The following NOL4 variants were observed in gnomAD, a reference collection of about 807,000 sequenced individuals.
NOL4 encodes the protein cancer/testis antigen 125.
In NOL4, 17 loss-of-function variants were observed where a neutral mutation model predicts 75.9. That is an observed-to-expected ratio of 0.22 (90% CI 0.15 to 0.34). The LOEUF is 0.34. Ranked by LOEUF, NOL4 falls within the 10% of genes least tolerant of loss-of-function variation. The probability of loss-of-function intolerance (pLI) is 1.00; values close to 1 mark genes in which losing one functional copy is unlikely to be tolerated. For missense variants in NOL4, 614 were observed against 793.5 expected, an observed-to-expected ratio of 0.77 and a Z score of 2.72; for synonymous variants, 292 against 289.9, an observed-to-expected ratio of 1.01 and a Z score of -0.07.
chr18:34,036,408 C>T (rs899759339), intron 5 of NOL4, among the ~76,000 whole-genome samples: 9 of 152,124 alleles, frequency 5.9e-5, no homozygotes, highest in Non-Finnish European at 1.3e-4. Flanking sequence ...TAAAACTCAA[C>T]ATCACTTCAT....
chr18:34,125,746 A>G (rs1203449111), intron 2 of NOL4, among the ~76,000 whole-genome samples: 2 of 152,022 alleles, frequency 1.3e-5, no homozygotes, highest in Non-Finnish European at 2.9e-5. Context: ...TATTAAAAGC[A>G]TTTTTTTAAA....
intron 2 of NOL4, among the ~76,000 whole-genome samples, chr18:34,106,647 T>C (rs1222180931): frequency 6.6e-6 from 1 of 151,564 alleles, no homozygotes; most frequent in African/African-American, 2.4e-5. Flanking sequence ...AAATTTTATA[T>C]TATTTAATAA....
intron 9 of NOL4, among the ~76,000 whole-genome samples, chr18:33,938,745 T>C (rs530614595): frequency 4.6e-5 from 7 of 152,306 alleles, no homozygotes; most frequent in South Asian, 2.1e-4. Flanking sequence ...ACTCTGATGA[T>C]AGTTTCTTTG....
chr18:34,160,518 C>T (rs1384325620), intron 1 of NOL4, among the ~76,000 whole-genome samples: 1 of 152,024 alleles, frequency 6.6e-6, no homozygotes, highest in African/African-American at 2.4e-5. Context: ...TAACTAGCAC[C>T]TATGGCAAAG....
chr18:33,929,548 T>C (rs2067548239), intron 9 of NOL4, among the ~76,000 whole-genome samples: 1 of 152,188 alleles, frequency 6.6e-6, no homozygotes, highest in African/African-American at 2.4e-5. Flanking sequence ...CTTATTCATA[T>C]TCATCTGCAG....
intron 9 of NOL4, among the ~76,000 whole-genome samples, chr18:33,926,676 C>T (rs943415466): frequency 1.6e-4 from 25 of 151,976 alleles, no homozygotes; most frequent in African/African-American, 5.6e-4. Flanking sequence ...TCTCGGCTCA[C>T]TGCAACCTCT....
chr18:33,903,097 A>C (rs2065837424), intron 9 of NOL4, among the ~76,000 whole-genome samples: 1 of 152,178 alleles, frequency 6.6e-6, no homozygotes, highest in South Asian at 2.1e-4. Flanking sequence ...GAATCTTTTT[A>C]TAACTTCCAG....
intron 1 of NOL4, among the ~76,000 whole-genome samples, chr18:34,151,392 A>T (rs1490747382): frequency 6.6e-6 from 1 of 151,874 alleles, no homozygotes; most frequent in African/African-American, 2.4e-5. Flanking sequence ...TGAACTATCA[A>T]GCCATGAAAA....
intron 1 of NOL4, among the ~76,000 whole-genome samples, chr18:34,147,434 A>C (rs922307215): frequency 3.0e-4 from 45 of 152,020 alleles, no homozygotes; most frequent in African/African-American, 1.1e-3. Flanking sequence ...AAAGGGTGTT[A>C]AATTTTATCA....
intron 9 of NOL4, among the ~76,000 whole-genome samples, chr18:33,942,020 G>T (rs189064278): frequency 3.3e-5 from 5 of 152,030 alleles, no homozygotes; most frequent in African/African-American, 1.2e-4. Flanking sequence ...TTCATCTTTT[G>T]TGGCATTTAG....
intron 5 of NOL4, among the ~76,000 whole-genome samples, chr18:34,071,601 T>C (rs2077521441): frequency 6.6e-6 from 1 of 152,160 alleles, no homozygotes; most frequent in African/African-American, 2.4e-5. Flanking sequence ...TTTCAGTAGA[T>C]TATTCAATAA....
At chr18:33,930,499 T>C (rs879813473) in intron 9 of NOL4, among the ~76,000 whole-genome samples, 1 of 152,262 alleles carries the variant, frequency 6.6e-6, no homozygotes, top group East Asian at 1.9e-4. Context: ...GAAAAAGTCA[T>C]GTTGTTTTGG....
chr18:34,090,678 T>C (rs2078470801), intron 5 of NOL4, among the ~76,000 whole-genome samples: 1 of 151,884 alleles, frequency 6.6e-6, no homozygotes, highest in Non-Finnish European at 1.5e-5. Flanking sequence ...GGAGGCATTG[T>C]CCTTAAACAT....
intron 10 of NOL4, among the ~76,000 whole-genome samples, chr18:33,853,864 C>T (rs2062727162): frequency 6.6e-6 from 1 of 152,038 alleles, no homozygotes; most frequent in Non-Finnish European, 1.5e-5. Context: ...TTTTTGACAA[C>T]ATTTTGTAAA....
At chr18:34,002,088 G>A (rs1007034688) in intron 6 of NOL4, among the ~76,000 whole-genome samples, 1 of 152,010 alleles carries the variant, frequency 6.6e-6, no homozygotes, top group African/African-American at 2.4e-5. Flanking sequence ...TTATTTCAAA[G>A]GCATTTTAAA....
At chr18:33,916,457 ACT>A (rs2066727425) in intron 9 of NOL4, among the ~76,000 whole-genome samples, 1 of 152,038 alleles carries the variant, frequency 6.6e-6, no homozygotes, top group Non-Finnish European at 1.5e-5. Flanking sequence ...TCATCTGGGA[ACT>A]CTTTTATAGG....
At chr18:33,899,272 C>CCTTT (rs2065605690) in intron 9 of NOL4, among the ~76,000 whole-genome samples, 1 of 152,110 alleles carries the variant, frequency 6.6e-6, no homozygotes, top group Non-Finnish European at 1.5e-5. Context: ...AATCCCAACT[C>CCTTT]CTTTCTTTTC....
chr18:34,183,883 T>G (rs192111264), intron 1 of NOL4, among the ~76,000 whole-genome samples: 5 of 151,930 alleles, frequency 3.3e-5, no homozygotes, highest in Non-Finnish European at 7.4e-5. Flanking sequence ...TGGTGGTAGA[T>G]GTATAGCTCT....
intron 5 of NOL4, among the ~76,000 whole-genome samples, chr18:34,031,097 T>C (rs894562372): frequency 1.3e-5 from 2 of 151,936 alleles, no homozygotes; most frequent in Non-Finnish European, 2.9e-5. Flanking sequence ...GAAGAGTAGT[T>C]CAGGAAGGGC....
Sources: gnomAD v4.1 joint callset for allele counts (sites outside exome capture counted in the v4.1 genomes callset) on GRCh38, gnomAD v4.1.1 for gene constraint, MANE v1.5 for transcripts, NCBI Gene and HGNC (gene_info 2026-07-23, HGNC 2026-07-21) for gene names.